Variants in PTPRD observed in about 807,000 individuals in gnomAD.
PTPRD encodes protein tyrosine phosphatase receptor type D.
A neutral mutation model predicts 214.5 loss-of-function variants in PTPRD; 34 were observed. That is an observed-to-expected ratio of 0.16 (90% CI 0.12 to 0.21). The LOEUF is 0.21. Among genes scored for constraint, PTPRD ranks in the 10% least tolerant of loss-of-function variants. The pLI, the probability that PTPRD is intolerant of heterozygous loss-of-function variation, is 1.00. For synonymous variants in PTPRD, 1,128 were observed against 845.7 expected, an observed-to-expected ratio of 1.33 and a Z score of -5.79; for missense variants, 2,545 against 2,398.7, an observed-to-expected ratio of 1.06 and a Z score of -1.27.
At chr9:8,712,385 A>C (rs1241188682) in intron 12 of PTPRD, among the ~76,000 whole-genome samples, 2 of 151,708 alleles carry the variant, frequency 1.3e-5, no homozygotes, top group Admixed American at 1.3e-4. Flanking sequence ...ACACTAAACA[A>C]TCTTAAAATC....
chr9:8,970,620 A>G (rs2099231953), intron 11 of PTPRD, among the ~76,000 whole-genome samples: 1 of 151,802 alleles, frequency 6.6e-6, no homozygotes, highest in Non-Finnish European at 1.5e-5. Flanking sequence ...AAAAACCACT[A>G]AAAACCCCAA....
intron 14 of PTPRD, among the ~76,000 whole-genome samples, chr9:8,604,135 G>C (rs548701183): frequency 6.6e-6 from 1 of 152,266 alleles, no homozygotes; most frequent in African/African-American, 2.4e-5. Flanking sequence ...TTGTTGTAAA[G>C]TAAGGAACTC....
intron 2 of PTPRD, among the ~76,000 whole-genome samples, chr9:10,370,473 T>C (rs1259535159): frequency 6.6e-6 from 1 of 152,102 alleles, no homozygotes; most frequent in African/African-American, 2.4e-5. Flanking sequence ...CATGTCAACC[T>C]GAAAATCAAA....
At chr9:10,259,572 T>C (rs1456474224) in intron 3 of PTPRD, among the ~76,000 whole-genome samples, 4 of 152,120 alleles carry the variant, frequency 2.6e-5, no homozygotes, top group Non-Finnish European at 4.4e-5. Context: ...ATGAACCAAG[T>C]GGAAAAAGTG....
rs1235594709 is a variant in PTPRD, at chr9:8,528,733, C to A, written c.399G>T (p.Gln133His). 1 of 1,613,576 alleles carries A rather than the reference C, an allele frequency of 6.2e-7. No individual in the cohort carries two copies. The highest frequency in any genetic ancestry group is 1.1e-5 in the South Asian group (1 of 91,078). The change falls in exon 15 of 46, where the codon CAG becomes CAT. Residue 133 changes from glutamine (Q) to histidine (H), a missense_variant. Coordinates refer to ENST00000381196, the MANE Select transcript of PTPRD (RefSeq NM_002839.4). The stretch of plus-strand genomic sequence containing the variant: ...TGCGAGTACGCTCAACCACCTTCAA[C>A]TGTGGGCCCATGTCAATGGTAGGGA... Reference protein sequence around the residue: ...RGFPTIDMGPQLKVVERTRTA... With the variant: ...RGFPTIDMGPHLKVVERTRTA...
rs2090113813 is a variant in PTPRD, at chr9:9,445,595, AAGG to A, written c.-236-48116_-236-48114del. ...ACGTCCTTCTTCACATGGCAGCAGG[AAGG>A]AGAAGTGCCAAGCAAAGGGGGAAAA... On this transcript the variant is annotated intron_variant, in intron 8 of 45. Coordinates refer to ENST00000381196, the MANE Select transcript of PTPRD (RefSeq NM_002839.4). 3.9e-5 allele frequency among the ~76,000 whole-genome samples: 6 copies of A among 152,238 alleles called. No individual in the cohort carries two copies. The South Asian group carries it at 1.2e-3, about 32-fold the overall frequency.
intron 8 of PTPRD, among the ~76,000 whole-genome samples, chr9:9,539,268 G>A (rs2077114143): frequency 6.6e-6 from 1 of 151,746 alleles, no homozygotes; most frequent in South Asian, 2.1e-4. Context: ...GCCCTTAAGT[G>A]GGAATAAACT....
At chr9:8,946,137 C>A (rs1211940388) in intron 11 of PTPRD, among the ~76,000 whole-genome samples, 1 of 152,128 alleles carries the variant, frequency 6.6e-6, no homozygotes, top group African/African-American at 2.4e-5. Flanking sequence ...TAACCAAGAG[C>A]ATTTGTGTTC....
At chr9:9,319,556 CAA>C (rs916191584) in intron 9 of PTPRD, among the ~76,000 whole-genome samples, 2 of 152,076 alleles carry the variant, frequency 1.3e-5, no homozygotes, top group African/African-American at 2.4e-5. Context: ...TAAATTCTAC[CAA>C]AGAGTTAAAT....
intron 5 of PTPRD, among the ~76,000 whole-genome samples, chr9:9,907,865 A>T (rs2078046940): frequency 6.6e-6 from 1 of 152,064 alleles, no homozygotes; most frequent in Non-Finnish European, 1.5e-5. Context: ...CACTCATACC[A>T]GTAACATGTA....
rs554112702 is a variant in PTPRD, at chr9:9,245,633, G to T, written c.-202-62270C>A. 4.1e-3 allele frequency among the ~76,000 whole-genome samples: 630 copies of T among 152,142 alleles called. 2 individuals carry two copies. The highest frequency in any genetic ancestry group is 0.015 in the African/African-American group (604 of 41,510). On this transcript the variant is annotated intron_variant, in intron 9 of 45. Coordinates refer to ENST00000381196, the MANE Select transcript of PTPRD (RefSeq NM_002839.4). ...AGGGCCTGTTGTGGGGTGGGGGGATGGGGGAGGGATAGCATTAGGAGATAT... is the reference window on the plus strand; with the variant it reads ...AGGGCCTGTTGTGGGGTGGGGGGATTGGGGAGGGATAGCATTAGGAGATAT...
At chr9:8,837,525 A>T (rs999584739) in intron 11 of PTPRD, among the ~76,000 whole-genome samples, 26 of 139,104 alleles carry the variant, frequency 1.9e-4, no homozygotes, top group African/African-American at 8.0e-4. Context: ...TGTTTTGAGA[A>T]GAGGTCTCAC....
At chr9:9,773,599 C>A (rs1271213647) in intron 5 of PTPRD, among the ~76,000 whole-genome samples, 1 of 152,156 alleles carries the variant, frequency 6.6e-6, no homozygotes, top group Non-Finnish European at 1.5e-5. Context: ...AAGGTACATA[C>A]ACTGCTATAT....
chr9:10,083,334 C>T (rs889715303), intron 3 of PTPRD, among the ~76,000 whole-genome samples: 1 of 151,954 alleles, frequency 6.6e-6, no homozygotes, highest in African/African-American at 2.4e-5. Context: ...AAGTCTTAAG[C>T]ATTCTCAATG....
chr9:9,346,283 C>T lies in PTPRD; in HGVS notation c.-203+51166G>A, dbSNP rs558467043. On this transcript the variant is annotated intron_variant, in intron 9 of 45. Coordinates refer to ENST00000381196, the MANE Select transcript of PTPRD (RefSeq NM_002839.4). Reference sequence around the variant, plus strand: ...TTGAGAAAGAAAACTGTACAGCAAACACAAGTTTACAATCAATTAGAAATA... The same window carrying T: ...TTGAGAAAGAAAACTGTACAGCAAATACAAGTTTACAATCAATTAGAAATA... Among the ~76,000 whole-genome samples the T allele has an allele frequency of 1.1e-4, 16 of 152,186 alleles. 1 individual carries two copies. The highest frequency in any genetic ancestry group is 3.4e-3 in the Middle Eastern group (1 of 294).
intron 7 of PTPRD, among the ~76,000 whole-genome samples, chr9:9,673,019 T>A (rs2096860172): frequency 6.6e-6 from 1 of 151,974 alleles, no homozygotes; most frequent in Admixed American, 6.6e-5. Context: ...AATTAAAATA[T>A]AAAAATACAG....
At chr9:8,821,304 T>A (rs924721404) in intron 11 of PTPRD, among the ~76,000 whole-genome samples, 15 of 152,208 alleles carry the variant, frequency 9.9e-5, no homozygotes, top group East Asian at 5.8e-4. Flanking sequence ...TCTCTCTCTC[T>A]CACATGGTAA....
Position 10,345,405 on chromosome 9 carries a change from A to G in PTPRD, c.-599-4388T>C, listed in dbSNP as rs1368929334. 2.0e-5 allele frequency among the ~76,000 whole-genome samples: 3 copies of G among 151,832 alleles called. No individual in the cohort carries two copies. In the East Asian group the frequency reaches 5.9e-4, roughly 30 times the overall value. On this transcript the variant is annotated intron_variant, in intron 2 of 45. Transcript: ENST00000381196. ...TACATTAGATATTTCTCCTAATCCTATCCCTCCCCTAGCCCCCCACCCCCC... is the reference window on the plus strand; with the variant it reads ...TACATTAGATATTTCTCCTAATCCTGTCCCTCCCCTAGCCCCCCACCCCCC...
chr9:8,652,378 A>C (rs2096829902), intron 12 of PTPRD, among the ~76,000 whole-genome samples: 1 of 152,196 alleles, frequency 6.6e-6, no homozygotes, highest in Non-Finnish European at 1.5e-5. Context: ...ATCAACCAAT[A>C]ATTACTGCCC....
Sources: gnomAD v4.1 joint callset for allele counts (sites outside exome capture counted in the v4.1 genomes callset) on GRCh38, gnomAD v4.1.1 for gene constraint, MANE v1.5 for transcripts, NCBI Gene and HGNC (gene_info 2026-07-23, HGNC 2026-07-21) for gene names.